APBA2: variants seen among roughly 807,000 people sequenced by gnomAD.
APBA2 encodes amyloid-beta A4 precursor protein-binding family A member 2.
A neutral mutation model predicts 75.0 loss-of-function variants in APBA2; 30 were observed. That is an observed-to-expected ratio of 0.40 (90% CI 0.30 to 0.54). The LOEUF (loss-of-function observed/expected upper bound fraction) is 0.54, where lower values mean the gene tolerates loss of function less well. APBA2 is among the 20% of genes least tolerant of loss of function. The pLI is 0.49. For synonymous variants in APBA2, 444 were observed against 409.6 expected, an observed-to-expected ratio of 1.08 and a Z score of -1.01; for missense variants, 801 against 1,016.1, an observed-to-expected ratio of 0.79 and a Z score of 2.88.
chr15:29,109,899 A>T (rs1318850734), intron 13 of APBA2, among the ~76,000 whole-genome samples: 1 of 152,108 alleles, frequency 6.6e-6, no homozygotes, highest in Non-Finnish European at 1.5e-5. Context: ...TGGCCCCTGG[A>T]CCTGGCACAG....
At chr15:28,984,032 A>G (rs73370633) in intron 2 of APBA2, among the ~76,000 whole-genome samples, 6,336 of 152,240 alleles carry the variant, frequency 0.042, 279 homozygotes, top group East Asian at 0.17. Flanking sequence ...GAGGCCGTGC[A>G]GACACTCACA....
chr15:28,979,273 C>T (rs993952690), intron 2 of APBA2, among the ~76,000 whole-genome samples: 2 of 152,224 alleles, frequency 1.3e-5, no homozygotes, highest in Non-Finnish European at 2.9e-5. Flanking sequence ...CTCTTCTGTC[C>T]CTCAAGCCGT....
chr15:28,904,281 TATATGAGGA>T (rs2152636510), intron 1 of APBA2, among the ~76,000 whole-genome samples: 1 of 152,220 alleles, frequency 6.6e-6, no homozygotes, highest in East Asian at 1.9e-4. Context: ...TCCTGGACGG[TATATGAGGA>T]GCACTTTCCA....
At chr15:28,967,870 A>G (rs962882651) in intron 2 of APBA2, among the ~76,000 whole-genome samples, 32 of 152,224 alleles carry the variant, frequency 2.1e-4, no homozygotes, top group African/African-American at 7.0e-4. Flanking sequence ...ATTGTTGTCC[A>G]GCTATCACCA....
intron 2 of APBA2, among the ~76,000 whole-genome samples, chr15:28,962,979 G>A (rs1339712239): frequency 1.3e-5 from 2 of 152,134 alleles, no homozygotes; most frequent in Non-Finnish European, 2.9e-5. Flanking sequence ...AGTATGTTTT[G>A]AAAGTTGCCT....
chr15:29,040,861 G>A (rs971687847), intron 3 of APBA2, among the ~76,000 whole-genome samples: 10 of 152,056 alleles, frequency 6.6e-5, no homozygotes, highest in Non-Finnish European at 2.9e-5. Flanking sequence ...TTTTTTAAAT[G>A]ACCCAGTTCT....
chr15:29,062,617 CG>C (rs2042179823), intron 4 of APBA2, among the ~76,000 whole-genome samples: 1 of 152,132 alleles, frequency 6.6e-6, no homozygotes, highest in South Asian at 2.1e-4. Flanking sequence ...GGGATTGCTT[CG>C]GGTACTTTTA....
chr15:29,050,589 C>T (rs369836644), intron 3 of APBA2, among the ~76,000 whole-genome samples: 8 of 152,246 alleles, frequency 5.3e-5, no homozygotes, highest in African/African-American at 1.7e-4. Context: ...TGTAGTTCTC[C>T]TACAATGTCC....
intron 3 of APBA2, among the ~76,000 whole-genome samples, chr15:29,049,602 T>A (rs539392518): frequency 6.6e-6 from 1 of 152,228 alleles, no homozygotes; most frequent in African/African-American, 2.4e-5. Flanking sequence ...AGGCACCTCT[T>A]CACATCTCAA....
At chr15:29,036,829 G>A (rs967727764) in intron 3 of APBA2, among the ~76,000 whole-genome samples, 5 of 152,202 alleles carry the variant, frequency 3.3e-5, no homozygotes, top group East Asian at 3.9e-4. Context: ...AGACCAGCCC[G>A]GGCAACATGG....
chr15:28,951,389 C>G (rs2035863709), intron 2 of APBA2, among the ~76,000 whole-genome samples: 1 of 152,068 alleles, frequency 6.6e-6, no homozygotes, highest in Non-Finnish European at 1.5e-5. Flanking sequence ...ATTTTTCCTA[C>G]CCAGTCCTGG....
chr15:28,940,356 CAAAAAAAAAAAAAAAA>C lies in APBA2; in HGVS notation c.-95+18623_-95+18638del, dbSNP rs398043111. Among the ~76,000 whole-genome samples the C allele has an allele frequency of 3.6e-4, 14 of 38,452 alleles. No individual in the cohort carries two copies. In the South Asian group the frequency reaches 6.0e-3, roughly 17 times the overall value. 25.2% of individuals were successfully genotyped at this position (38,452 alleles called of 152,430 possible). On this transcript the variant is annotated intron_variant, in intron 2 of 14. Transcript: ENST00000683413. ...TGAAACCCCGTCTCTACTAAAAATACAAAAAAAAAAAAAAAAAAAAAAAAAAAAAAATAGCGGGGCG... is the reference window on the plus strand; with the variant it reads ...TGAAACCCCGTCTCTACTAAAAATACAAAAAAAAAAAAAAATAGCGGGGCG...
intron 2 of APBA2, among the ~76,000 whole-genome samples, chr15:28,930,287 G>A (rs148205165): frequency 6.6e-6 from 1 of 152,300 alleles, no homozygotes; most frequent in East Asian, 1.9e-4. Flanking sequence ...CCATCTGGGT[G>A]GGCGCTGAGC....
chr15:28,886,897 A>G (rs936020604), intron 1 of APBA2, among the ~76,000 whole-genome samples: 3 of 152,178 alleles, frequency 2.0e-5, no homozygotes, highest in Non-Finnish European at 4.4e-5. Flanking sequence ...CATGGCAGGC[A>G]CTGCCTGGCA....
intron 2 of APBA2, among the ~76,000 whole-genome samples, chr15:28,952,968 G>T (rs1052266996): frequency 2.0e-5 from 3 of 152,156 alleles, no homozygotes; most frequent in African/African-American, 7.2e-5. Context: ...CTCTTTGTAT[G>T]ACATAAATGT....
intron 3 of APBA2, among the ~76,000 whole-genome samples, chr15:29,032,799 GTGCCTCTGGGGCTGT>G: frequency 6.6e-6 from 1 of 152,064 alleles, no homozygotes; most frequent in South Asian, 2.1e-4. Context: ...ATTGGGTTCT[GTGCCTCTGGGGCTGT>G]TGCCTCTGAG....
intron 2 of APBA2, among the ~76,000 whole-genome samples, chr15:28,940,410 C>T (rs1440281024): frequency 6.8e-6 from 1 of 146,780 alleles, no homozygotes; most frequent in East Asian, 2.0e-4. Context: ...GTGGCAGGCA[C>T]CTGTAGTCCC....
intron 3 of APBA2, among the ~76,000 whole-genome samples, chr15:29,049,292 G>T (rs998050451): frequency 3.6e-4 from 55 of 152,344 alleles, no homozygotes; most frequent in African/African-American, 1.3e-3. Flanking sequence ...GGTAACCATC[G>T]TGGAGAACAT....
chr15:29,032,959 G>T (rs967697000), intron 3 of APBA2, among the ~76,000 whole-genome samples: 2 of 152,226 alleles, frequency 1.3e-5, no homozygotes, highest in Admixed American at 6.5e-5. Flanking sequence ...CATGGACTCT[G>T]CCCACAGCTG....
Sources: gnomAD v4.1 joint callset for allele counts (sites outside exome capture counted in the v4.1 genomes callset) on GRCh38, gnomAD v4.1.1 for gene constraint, MANE v1.5 for transcripts, NCBI Gene and HGNC (gene_info 2026-07-23, HGNC 2026-07-21) for gene names.